FGF12: variants seen among roughly 807,000 people sequenced by gnomAD.
FGF12 encodes fibroblast growth factor 12.
A neutral mutation model predicts 23.6 loss-of-function variants in FGF12; 14 were observed. The observed-to-expected ratio is 0.59, with a 90% CI of 0.39 to 0.93. FGF12 has a LOEUF of 0.93. Ranked by LOEUF, FGF12 falls within the 40% of genes least tolerant of loss-of-function variation. The probability of loss-of-function intolerance (pLI) is 0.00; values close to 1 mark genes in which losing one functional copy is unlikely to be tolerated. For missense variants in FGF12, 175 were observed against 217.8 expected (o/e 0.80, Z 1.24); for synonymous variants, 62 against 77.3 (o/e 0.80, Z 1.04).
rs113926123 is a variant in FGF12, at chr3:192,379,479, C to T, written c.14-18941G>A. ...TAAATGTCCTTTTGTACTCTGTTATCTTCAACAATAAAAGGAAAAAAATAT... is the reference window on the plus strand; with the variant it reads ...TAAATGTCCTTTTGTACTCTGTTATTTTCAACAATAAAAGGAAAAAAATAT... On this transcript the variant is annotated intron_variant, in intron 2 of 5. Transcript: ENST00000445105. Among the ~76,000 whole-genome samples, 1,224 of 144,640 alleles carry T rather than the reference C, an allele frequency of 8.5e-3. 17 individuals are homozygous for T. Among genetic ancestry groups the T allele is most frequent in the African/African-American group, 0.03 (1,165 of 38,518 alleles). The allele number at this position is 144,640 out of a possible 152,430, so 94.9% of individuals were successfully genotyped here.
At chr3:192,248,254 C>G (rs1711759920) in intron 4 of FGF12, among the ~76,000 whole-genome samples, 1 of 152,184 alleles carries the variant, frequency 6.6e-6, no homozygotes, top group African/African-American at 2.4e-5. Flanking sequence ...TGAACTGAAA[C>G]ATGACCATGG....
chr3:192,439,630 T>C (rs1261080010), intron 2 of FGF12, among the ~76,000 whole-genome samples: 2 of 152,102 alleles, frequency 1.3e-5, no homozygotes, highest in Non-Finnish European at 2.9e-5. Flanking sequence ...GAATAAATCA[T>C]GTAAGTTAAA....
At chr3:192,393,517 A>T (rs1720395851) in intron 2 of FGF12, among the ~76,000 whole-genome samples, 1 of 152,228 alleles carries the variant, frequency 6.6e-6, no homozygotes, top group Non-Finnish European at 1.5e-5. Flanking sequence ...TTCAGGGAGT[A>T]GGCCAAGCTT....
chr3:192,329,956 T>C (rs898579914), intron 4 of FGF12, among the ~76,000 whole-genome samples: 1 of 152,156 alleles, frequency 6.6e-6, no homozygotes, highest in African/African-American at 2.4e-5. Flanking sequence ...TTAAGAACTT[T>C]TTATTTACTC....
chr3:192,542,440 G>A (rs1725392017), intron 2 of FGF12, among the ~76,000 whole-genome samples: 1 of 152,094 alleles, frequency 6.6e-6, no homozygotes, highest in Non-Finnish European at 1.5e-5. Context: ...CCTCAAAACA[G>A]CTATTTTGAA....
chr3:192,474,885 C>CAA (rs769330773), intron 2 of FGF12, among the ~76,000 whole-genome samples: 1 of 64,400 alleles, frequency 1.6e-5, no homozygotes, highest in Admixed American at 1.6e-4. Flanking sequence ...AACTTCATCT[C>CAA]AAAAAAAAAA....
intron 4 of FGF12, among the ~76,000 whole-genome samples, chr3:192,232,731 C>T (rs4687297): frequency 0.46 from 69,022 of 151,540 alleles, 16,721 homozygotes; most frequent in East Asian, 0.94. Flanking sequence ...GGTCCCAGTG[C>T]CTACTGTTCC....
At chr3:192,523,189 A>C (rs1264614215) in intron 2 of FGF12, among the ~76,000 whole-genome samples, 4 of 152,220 alleles carry the variant, frequency 2.6e-5, no homozygotes, top group Admixed American at 2.6e-4. Flanking sequence ...AAGTTGCAAC[A>C]GGATATAGTC....
rs572268032 is a variant in FGF12 at position 192,381,222 on chromosome 3, A to G, written c.14-20684T>C. On this transcript the variant is annotated intron_variant, in intron 2 of 5. Transcript: ENST00000445105. ...ACATTTCTCCAAACAGCACCCGACC[A>G]TCTATTATACAAAGCAACAATGATC... is the stretch of plus-strand genomic sequence containing the variant. 1.2e-4 allele frequency among the ~76,000 whole-genome samples: 18 copies of G among 152,296 alleles called. No individual in the cohort carries two copies. In the East Asian group the frequency reaches 3.3e-3, roughly 28 times the overall value.
intron 2 of FGF12, among the ~76,000 whole-genome samples, chr3:192,506,603 C>A (rs553337742): frequency 6.6e-6 from 1 of 152,298 alleles, no homozygotes; most frequent in African/African-American, 2.4e-5. Flanking sequence ...AACTCTCAGC[C>A]TCAAGTAACC....
At chr3:192,599,269 A>AATAATAATAATTATAATAATT (rs1553837299) in intron 2 of FGF12, among the ~76,000 whole-genome samples, 85 of 148,092 alleles carry the variant, frequency 5.7e-4, no homozygotes, top group African/African-American at 2.0e-3. Flanking sequence ...TAATAATAAT[A>AATAATAATAATTATAATAATT]ATAATAATAA....
chr3:192,670,463 T>C (rs983879780), intron 2 of FGF12, among the ~76,000 whole-genome samples: 4 of 152,120 alleles, frequency 2.6e-5, no homozygotes, highest in African/African-American at 9.7e-5. Context: ...TTTAGAGTAA[T>C]CATCACACGT....
At chr3:192,495,018 G>A (rs765562493) in intron 2 of FGF12, among the ~76,000 whole-genome samples, 2 of 151,888 alleles carry the variant, frequency 1.3e-5, no homozygotes, top group East Asian at 3.9e-4. Flanking sequence ...CCGCCACCTC[G>A]CCCGGCCAAT....
At chr3:192,595,991 G>A (rs1713824566) in intron 2 of FGF12, among the ~76,000 whole-genome samples, 1 of 151,718 alleles carries the variant, frequency 6.6e-6, no homozygotes, top group South Asian at 2.1e-4. Flanking sequence ...TACTTGGGAG[G>A]CTGAGGTGGG....
At chr3:192,287,719 T>C (rs1235353063) in intron 4 of FGF12, among the ~76,000 whole-genome samples, 2 of 152,046 alleles carry the variant, frequency 1.3e-5, no homozygotes, top group African/African-American at 2.4e-5. Flanking sequence ...TTAATACTTA[T>C]TGTGTGCCAA....
chr3:192,620,487 AACTAT>A (rs1246756907), intron 2 of FGF12, among the ~76,000 whole-genome samples: 2 of 152,098 alleles, frequency 1.3e-5, no homozygotes, highest in Admixed American at 1.3e-4. Flanking sequence ...TCTGCATAAA[AACTAT>A]ACGGTAGGAA....
At chr3:192,274,053 C>T (rs1483266160) in intron 4 of FGF12, among the ~76,000 whole-genome samples, 2 of 152,088 alleles carry the variant, frequency 1.3e-5, no homozygotes, top group Non-Finnish European at 2.9e-5. Context: ...AAGGTTAACA[C>T]ATCCTAATTA....
intron 2 of FGF12, among the ~76,000 whole-genome samples, chr3:192,656,861 A>C (rs1344793402): frequency 1.3e-5 from 2 of 152,234 alleles, no homozygotes; most frequent in African/African-American, 2.4e-5. Flanking sequence ...CTTGAAATGC[A>C]TAATAGCCAC....
intron 3 of FGF12, among the ~76,000 whole-genome samples, chr3:192,342,097 G>C (rs1263388954): frequency 1.3e-5 from 2 of 152,136 alleles, no homozygotes; most frequent in African/African-American, 2.4e-5. Context: ...ACTACTTTAA[G>C]GGCAAGTTGA....
Sources: allele counts gnomAD v4.1 joint callset (sites outside exome capture counted in the v4.1 genomes callset), GRCh38; gene constraint gnomAD v4.1.1; transcripts MANE v1.5; gene names NCBI Gene and HGNC (gene_info 2026-07-23, HGNC 2026-07-21).